The following CLK3 variants were observed in gnomAD, a reference collection of about 807,000 sequenced individuals.
The protein encoded by CLK3 is CDC like kinase 3.
In CLK3, 24 loss-of-function variants were observed where a neutral mutation model predicts 65.2. That is an observed-to-expected ratio of 0.37 (90% confidence interval 0.27 to 0.52). CLK3 has a LOEUF of 0.52. Among genes scored for constraint, CLK3 ranks in the 20% least tolerant of loss-of-function variants. CLK3 has a pLI of 0.92. For missense variants in CLK3, 506 were observed against 660.0 expected, an observed-to-expected ratio of 0.77 and a Z score of 2.56; for synonymous variants, 252 against 240.8, an observed-to-expected ratio of 1.05 and a Z score of -0.43.
At position 74,627,747 on chromosome 15, in the gene CLK3, G is replaced by T; in HGVS notation, c.1042+79G>T. The stretch of plus-strand genomic sequence containing the variant: ...TATGAGCAGAGGCAGTGGCATGCCT[G>T]TCATTCTCTGCCACCCAGGGCAGGC... On this transcript the variant is annotated intron_variant, in intron 9 of 12. Transcript: ENST00000395066. This position sits in a 1 kb window ranked among gnomAD's most constrained non-coding sequence, Gnocchi z 4.3. 1.3e-6 allele frequency: 2 copies of T among 1,577,814 alleles called. No homozygotes were observed. Among genetic ancestry groups the T allele is most frequent in the South Asian group, 1.1e-5 (1 of 89,028 alleles).
Position 74,624,551 on chromosome 15 carries a change from C to G in CLK3, c.534-351C>G. On this transcript the variant is annotated intron_variant, in intron 5 of 12. Transcript: ENST00000395066. This position sits in a 1 kb window ranked among gnomAD's most constrained non-coding sequence, Gnocchi z 4.2. Reference sequence around the variant, plus strand: ...TGGGACAGCCTGGCCAGGGTTGGGGCTGCCTGGCCTATAGGTTAGGTCACT... The same window carrying G: ...TGGGACAGCCTGGCCAGGGTTGGGGGTGCCTGGCCTATAGGTTAGGTCACT... 4.0e-6 allele frequency: 1 copy of G among 248,512 alleles called. No homozygotes were observed. Among genetic ancestry groups the G allele is most frequent in the Non-Finnish European group, 7.9e-6 (1 of 126,800 alleles). The allele number at this position is 248,512 out of a possible 1,614,324, so 15.4% of individuals were successfully genotyped here. A position where few individuals can be genotyped will look rare whatever the true frequency, so the allele number is the denominator to read the frequency against.
chr15:74,626,871 G>C (rs2062146842), intron 7 of CLK3: 1 of 403,242 alleles, frequency 2.5e-6, no homozygotes, highest in South Asian at 1.8e-5. Context: ...TGTCTTCCTG[G>C]GTATGCGACC....
In CLK3 at chr15:74,622,625, G is replaced by A; in HGVS notation, c.533+65G>A. On this transcript the variant is annotated intron_variant, in intron 5 of 12. Coordinates refer to ENST00000395066, the MANE Select transcript of CLK3 (RefSeq NM_001130028.2). This position sits in a 1 kb window ranked among gnomAD's most constrained non-coding sequence, Gnocchi z 4.6. ...TCTTCCTGGGAAGAGCTGGCCTGAG[G>A]TTCTTGAGGGTGGCAGCTATCAGAG... The A allele has an allele frequency of 1.5e-6, 2 of 1,303,814 alleles. No individual in the cohort carries two copies. The highest frequency in any genetic ancestry group is 2.2e-6 in the Non-Finnish European group (2 of 929,298). 80.8% of individuals were successfully genotyped at this position (1,303,814 alleles called of 1,614,324 possible).
At chr15:74,617,128 T>C (rs1344264230) in intron 1 of CLK3, among the ~76,000 whole-genome samples, 1 of 152,254 alleles carries the variant, frequency 6.6e-6, no homozygotes, top group Non-Finnish European at 1.5e-5. Flanking sequence ...TGGTACCTTA[T>C]AACTCTCATG....
chr15:74,628,609 C>T lies in CLK3; in HGVS notation c.1131C>T (p.His377=), dbSNP rs145638940. Residue 377 remains histidine, a synonymous_variant, in exon 11 of 13, where the codon CAC becomes CAT. Coordinates refer to ENST00000395066, the MANE Select transcript of CLK3 (RefSeq NM_001130028.2). The part of the protein sequence containing the change: ...YYRGFTLFQT[H]ENREHLVMME... ...CTGTCCCTAATCTTCCACAGACCCA[C>T]GAAAACCGAGAGCACCTGGTGATGA... is the stretch of plus-strand genomic sequence containing the variant. The T allele has an allele frequency of 1.6e-4, 262 of 1,613,088 alleles. 2 individuals are homozygous for T. The highest frequency in any genetic ancestry group is 4.4e-5 in the South Asian group (4 of 91,016).
chr15:74,616,769 G>A (rs2062063732), intron 1 of CLK3, among the ~76,000 whole-genome samples: 1 of 152,240 alleles, frequency 6.6e-6, no homozygotes, highest in Non-Finnish European at 1.5e-5. Context: ...GCTGGAATCC[G>A]GGAGGGCAGC....
upstream of CLK3, among the ~76,000 whole-genome samples, chr15:74,612,100 C>T (rs1459574609): frequency 6.6e-6 from 1 of 152,246 alleles, no homozygotes; most frequent in Non-Finnish European, 1.5e-5. Flanking sequence ...GGAGGCGCAG[C>T]AGGCACTCCT....
chr15:74,615,527 C>T (rs921637709), upstream of CLK3: 20 of 1,291,704 alleles, frequency 1.5e-5, 1 homozygote, highest in South Asian at 4.6e-4. Context: ...CGGGCCCAGC[C>T]CCACGGCCAG....
chr15:74,618,016 G>A (rs1315082564), intron 1 of CLK3, among the ~76,000 whole-genome samples: 1 of 152,224 alleles, frequency 6.6e-6, no homozygotes, highest in Non-Finnish European at 1.5e-5. Context: ...CAGGGGTTTG[G>A]TCACATAGGC....
In CLK3 at chr15:74,630,166, C is replaced by T; in HGVS notation, c.*283C>T. 1 of 376,946 alleles carries T rather than the reference C, an allele frequency of 2.7e-6. No individual in the cohort carries two copies. The highest frequency in any genetic ancestry group is 4.9e-6 in the Non-Finnish European group (1 of 206,158). The allele number at this position is 376,946 out of a possible 1,614,324, so 23.4% of individuals were successfully genotyped here. Reference sequence around the variant, plus strand: ...CTCCAGGCTCCTTGCCTTCCCCTTACCTGACCTTATTAATAAAGTCTTTCT... The same window carrying T: ...CTCCAGGCTCCTTGCCTTCCCCTTATCTGACCTTATTAATAAAGTCTTTCT... On this transcript the variant is annotated 3_prime_UTR_variant, in exon 13 of 13. Coordinates refer to ENST00000395066, the MANE Select transcript of CLK3 (RefSeq NM_001130028.2).
At chr15:74,626,295 C>T (rs2062142920) in intron 7 of CLK3, among the ~76,000 whole-genome samples, 1 of 152,206 alleles carries the variant, frequency 6.6e-6, no homozygotes, top group Admixed American at 6.5e-5. Context: ...AGGTAGAAGC[C>T]TGACCTGACA....
chr15:74,614,289 A>G (rs1298908098), upstream of CLK3, among the ~76,000 whole-genome samples: 3 of 152,162 alleles, frequency 2.0e-5, no homozygotes, highest in African/African-American at 7.2e-5. Context: ...CTGGGATTAG[A>G]GGGGTGAACC....
upstream of CLK3, among the ~76,000 whole-genome samples, chr15:74,612,451 C>A (rs1257259970): frequency 6.6e-6 from 1 of 152,156 alleles, no homozygotes; most frequent in African/African-American, 2.4e-5. Flanking sequence ...ACCCTCCTCA[C>A]CTCTAGGGTC....
intron 3 of CLK3, 157 bp downstream of exon 3, chr15:74,620,382 A>G: frequency 9.7e-7 from 1 of 1,030,318 alleles, no homozygotes; most frequent in East Asian, 2.6e-5. Flanking sequence ...GTCCAGGTGT[A>G]GGGCTGATCA....
chr15:74,628,226 G>T (rs1455085789), intron 10 of CLK3, among the ~76,000 whole-genome samples, 174 bp downstream of exon 10: 1 of 152,198 alleles, frequency 6.6e-6, no homozygotes, highest in African/African-American at 2.4e-5. Context: ...GAAGGCAGAG[G>T]TCAGGGTAGC....
chr15:74,619,251 C>T lies in CLK3; in HGVS notation c.55C>T (p.Arg19Ter), dbSNP rs1367807637. The change falls in exon 2 of 13, where the codon CGA (arginine) becomes TGA (stop). Residue 19 changes from arginine (R) to a stop codon, truncating the protein, a stop_gained. Coordinates refer to ENST00000395066, the MANE Select transcript of CLK3 (RefSeq NM_001130028.2). LOFTEE classifies it high-confidence loss of function. ...TGAACCAGACCCGTACCTGAGCTAC[C>T]GATGGAAGAGGAGGAGGTCCTACAG... Reference protein sequence around the residue: ...SPEPDPYLSYRWKRRRSYSRE... With the variant: ...SPEPDPYLSY The T allele has an allele frequency of 2.5e-6, 4 of 1,614,044 alleles. No individual in the cohort carries two copies. Among genetic ancestry groups the T allele is most frequent in the Non-Finnish European group, 3.4e-6 (4 of 1,180,024 alleles).
At chr15:74,611,076 G>C (rs1262828001), upstream of CLK3, among the ~76,000 whole-genome samples, 1 of 152,118 alleles carries the variant, frequency 6.6e-6, no homozygotes, top group African/African-American at 2.4e-5. Flanking sequence ...ATTCTCCCTG[G>C]GGGGCCACAG....
chr15:74,621,988 G>T lies in CLK3; in HGVS notation c.370-132G>T. The T allele has an allele frequency of 1.3e-6, 1 of 773,018 alleles. No individual in the cohort carries two copies. The highest frequency in any genetic ancestry group is 1.7e-5 in the African/African-American group (1 of 58,802). 47.9% of individuals were successfully genotyped at this position (773,018 alleles called of 1,614,324 possible). On this transcript the variant is annotated intron_variant, in intron 3 of 12. Transcript: ENST00000395066. The surrounding 1 kb of genome is among the most constrained non-coding windows in gnomAD (Gnocchi z 4.8). ...GTGCCTTATGAAATGCTGGGATCTG[G>T]AAAATCCAACCAACCAACCCACCGG...
intron 12 of CLK3, 95 bp from the exon 13 acceptor site, chr15:74,629,612 G>C (rs888631642): frequency 9.6e-7 from 1 of 1,045,724 alleles, no homozygotes; most frequent in East Asian, 2.5e-5. Flanking sequence ...CTGCCTCCTC[G>C]ATCCAGTCCA....
Sources: gnomAD v4.1 joint callset for allele counts (sites outside exome capture counted in the v4.1 genomes callset) on GRCh38, gnomAD v4.1.1 for gene constraint, Gnocchi (gnomAD v3.1) non-coding constraint, MANE v1.5 for transcripts, NCBI Gene and HGNC (gene_info 2026-07-23, HGNC 2026-07-21) for gene names.